Variants in CTIF observed in about 807,000 individuals in gnomAD.
CTIF encodes cap binding complex dependent translation initiation factor, also known as CBP80/20-dependent translation initiation factor.
Under a neutral mutation model 66.0 loss-of-function variants are expected in CTIF, and 21 were observed. That is an observed-to-expected ratio of 0.32 (90% CI 0.23 to 0.46). The LOEUF is 0.46. Ranked by LOEUF, CTIF falls within the 20% of genes least tolerant of loss-of-function variation. The probability of loss-of-function intolerance (pLI) is 1.00; values close to 1 mark genes in which losing one functional copy is unlikely to be tolerated. For missense variants in CTIF, 739 were observed against 812.7 expected (o/e 0.91, Z 1.10); for synonymous variants, 345 against 326.4 (o/e 1.06, Z -0.62).
At position 48,761,368 on chromosome 18, in the gene CTIF, C is replaced by G; in HGVS notation, c.1072-22C>G. 1.9e-6 allele frequency: 3 copies of G among 1,607,138 alleles called. No homozygotes were observed. Among genetic ancestry groups the G allele is most frequent in the Middle Eastern group, 1.7e-4 (1 of 6,044 alleles). ...GACCTCGGCTTCACTCAGGCACATT[C>G]ATTTGTCTCCGACACCCCCAGGATG... On this transcript the variant is annotated intron_variant, in intron 8 of 11. Transcript: ENST00000256413. The surrounding 1 kb of genome is among the most constrained non-coding windows in gnomAD (Gnocchi z 4.2).
intron 6 of CTIF, among the ~76,000 whole-genome samples, chr18:48,696,950 C>T (rs2092017701): frequency 6.6e-6 from 1 of 152,226 alleles, no homozygotes; most frequent in East Asian, 1.9e-4. Flanking sequence ...TCCTGGGGGA[C>T]CCAGGTCTTT....
In CTIF at chr18:48,694,659, T is replaced by G. The variant is rs144591317; in HGVS notation, c.508-16960T>G. Among the ~76,000 whole-genome samples the G allele has an allele frequency of 2.5e-4, 38 of 152,344 alleles. 1 individual carries two copies. Among genetic ancestry groups the G allele is most frequent in the Admixed American group, 6.5e-5 (1 of 15,308 alleles). The stretch of plus-strand genomic sequence containing the variant: ...TTTTTATGTGGTGCAGACTCTTTAA[T>G]GCCGTGCATCCACACAACAAAAGCT... On this transcript the variant is annotated intron_variant, in intron 6 of 11. Coordinates refer to ENST00000256413, the MANE Select transcript of CTIF (RefSeq NM_014772.3).
intron 6 of CTIF, among the ~76,000 whole-genome samples, chr18:48,689,846 G>T (rs1447126349): frequency 6.6e-6 from 1 of 152,168 alleles, no homozygotes; most frequent in Non-Finnish European, 1.5e-5. Flanking sequence ...TGGGTCCTGG[G>T]CATGAGGCAC....
chr18:48,553,065 G>T lies in CTIF; in HGVS notation c.-29+13753G>T, dbSNP rs1013433050. On this transcript the variant is annotated intron_variant, in intron 1 of 11. Transcript: ENST00000256413. ...TTTTGACATTTGCCTACACCTGAGG[G>T]AACAGTTGCACATCTTCCTGATACG... is the stretch of plus-strand genomic sequence containing the variant. 7.9e-5 allele frequency among the ~76,000 whole-genome samples: 12 copies of T among 152,222 alleles called. 1 individual carries two copies. Among genetic ancestry groups the T allele is most frequent in the Admixed American group, 7.2e-4 (11 of 15,286 alleles).
intron 9 of CTIF, among the ~76,000 whole-genome samples, chr18:48,773,803 AC>A (rs1231575904): frequency 1.3e-5 from 2 of 149,948 alleles, no homozygotes; most frequent in Non-Finnish European, 3.0e-5. Context: ...GCCCATACCA[AC>A]CTGCCTGAGC....
At chr18:48,619,332 C>G (rs1312653252) in intron 1 of CTIF, among the ~76,000 whole-genome samples, 1 of 152,242 alleles carries the variant, frequency 6.6e-6, no homozygotes, top group Non-Finnish European at 1.5e-5. Context: ...GGGCCTCAGT[C>G]TCCTGCCCTA....
At chr18:48,754,566 C>T (rs997001309) in intron 7 of CTIF, among the ~76,000 whole-genome samples, 5 of 152,238 alleles carry the variant, frequency 3.3e-5, no homozygotes, top group Non-Finnish European at 7.3e-5. Context: ...CCAGGGCTCA[C>T]CCAGCTGATT....
rs10591389 is a variant in CTIF at position 48,852,233 on chromosome 18, TAAAAAAAAAAA to T, written c.1528-5336_1528-5326del. On this transcript the variant is annotated intron_variant, in intron 10 of 11. Coordinates refer to ENST00000256413, the MANE Select transcript of CTIF (RefSeq NM_014772.3). ...TGGGGGACAGAGTGAGACCCTGTCTTAAAAAAAAAAAAAAAAAAAAAAAAAAAAAGTTCCAG... is the reference window on the plus strand; with the variant it reads ...TGGGGGACAGAGTGAGACCCTGTCTTAAAAAAAAAAAAAAAAAAGTTCCAG... Among the ~76,000 whole-genome samples, 361 of 66,584 alleles carry T rather than the reference TAAAAAAAAAAA, an allele frequency of 5.4e-3. 6 individuals are homozygous for T. The highest frequency in any genetic ancestry group is 0.015 in the African/African-American group (291 of 19,502). The allele number at this position is 66,584 out of a possible 152,430, so 43.7% of individuals were successfully genotyped here. A position where few individuals can be genotyped will look rare whatever the true frequency, so the allele number is the denominator to read the frequency against.
intron 10 of CTIF, among the ~76,000 whole-genome samples, chr18:48,821,673 A>G (rs1421891802): frequency 1.3e-5 from 2 of 152,268 alleles, no homozygotes; most frequent in Non-Finnish European, 2.9e-5. Context: ...TTAAGAACAA[A>G]TAGTTTCTGC....
At chr18:48,573,710 G>C (rs1018020292) in intron 1 of CTIF, among the ~76,000 whole-genome samples, 6 of 152,226 alleles carry the variant, frequency 3.9e-5, no homozygotes, top group Non-Finnish European at 8.8e-5. Flanking sequence ...CATGGTGGCA[G>C]GGCGGAGCTT....
intron 7 of CTIF, among the ~76,000 whole-genome samples, chr18:48,734,991 G>C (rs1391948667): frequency 6.6e-6 from 1 of 152,118 alleles, no homozygotes; most frequent in Non-Finnish European, 1.5e-5. Flanking sequence ...GCATTTATAT[G>C]CACACATGTA....
intron 9 of CTIF, among the ~76,000 whole-genome samples, chr18:48,771,157 A>G (rs1910078513): frequency 6.6e-6 from 1 of 152,078 alleles, no homozygotes; most frequent in Non-Finnish European, 1.5e-5. Flanking sequence ...CAGCCCAGGG[A>G]CCTCACCTTC....
intron 9 of CTIF, among the ~76,000 whole-genome samples, chr18:48,796,568 G>C (rs2067924369): frequency 6.6e-6 from 1 of 152,136 alleles, no homozygotes; most frequent in African/African-American, 2.4e-5. Flanking sequence ...GGAGCAAGCT[G>C]GAGATGGTGA....
chr18:48,853,574 A>G (rs2069257375), intron 10 of CTIF, among the ~76,000 whole-genome samples: 1 of 152,048 alleles, frequency 6.6e-6, no homozygotes, highest in Admixed American at 6.5e-5. Context: ...TCATCCCAAA[A>G]CGATTTCTTT....
intron 2 of CTIF, among the ~76,000 whole-genome samples, chr18:48,626,288 A>G (rs1004004927): frequency 3.3e-5 from 5 of 151,906 alleles, no homozygotes; most frequent in African/African-American, 4.8e-5. Flanking sequence ...GGCGTGAGCC[A>G]CCGCGCCCGG....
chr18:48,655,432 C>T (rs534020784), intron 3 of CTIF, among the ~76,000 whole-genome samples: 2 of 152,272 alleles, frequency 1.3e-5, no homozygotes, highest in African/African-American at 4.8e-5. Context: ...CCCCCTGTCC[C>T]ACAGCTAGCT....
rs1416901672 is a variant in CTIF at position 48,590,138 on chromosome 18, G to A, written c.-28-29400G>A. Among the ~76,000 whole-genome samples the A allele has an allele frequency of 5.3e-5, 8 of 152,332 alleles. No individual in the cohort carries two copies. In the East Asian group the frequency reaches 5.8e-4, roughly 11 times the overall value. ...GGGGTGCGGGGGCGTGGTGGTATGC[G>A]AGTCCATAGCCGTGGAAGTTTGGGA... On this transcript the variant is annotated intron_variant, in intron 1 of 11. Coordinates refer to ENST00000256413, the MANE Select transcript of CTIF (RefSeq NM_014772.3).
chr18:48,644,110 A>G (rs1478299072), intron 3 of CTIF, among the ~76,000 whole-genome samples: 1 of 152,174 alleles, frequency 6.6e-6, no homozygotes, highest in African/African-American at 2.4e-5. Context: ...TCAGCAGCCG[A>G]GCACGGCAAG....
At chr18:48,540,881 G>C (rs1330326837) in intron 1 of CTIF, among the ~76,000 whole-genome samples, 1 of 152,140 alleles carries the variant, frequency 6.6e-6, no homozygotes, top group Non-Finnish European at 1.5e-5. Context: ...AGAGGGGACC[G>C]TGCGGCTGTG....
Sources: gnomAD v4.1 joint callset for allele counts (sites outside exome capture counted in the v4.1 genomes callset) on GRCh38, gnomAD v4.1.1 for gene constraint, Gnocchi (gnomAD v3.1) non-coding constraint, MANE v1.5 for transcripts, NCBI Gene and HGNC (gene_info 2026-07-23, HGNC 2026-07-21) for gene names.